FAM117A: variants seen among roughly 807,000 people sequenced by gnomAD.
FAM117A encodes the protein protein FAM117A.
A neutral mutation model predicts 44.1 loss-of-function variants in FAM117A; 21 were observed. The ratio of observed to expected loss-of-function variants is 0.48; its 90% confidence interval spans 0.34 to 0.69. The LOEUF (loss-of-function observed/expected upper bound fraction) is 0.69. FAM117A is among the 30% of genes least tolerant of loss of function. The pLI is 0.01. For missense variants in FAM117A, 498 were observed against 589.9 expected (o/e 0.84, Z 1.61); for synonymous variants, 220 against 238.3 (o/e 0.92, Z 0.71).
chr17:49,768,449 A>G (rs2073751565), upstream of FAM117A, among the ~76,000 whole-genome samples: 2 of 152,274 alleles, frequency 1.3e-5, no homozygotes, highest in South Asian at 2.1e-4. Flanking sequence ...GGTACCTGGA[A>G]GACGGTCTCT....
rs1457423195 is a variant in FAM117A, at chr17:49,745,125, A to G, written c.197-12405T>C. On this transcript the variant is annotated intron_variant, in intron 1 of 7. Coordinates refer to ENST00000240364, the MANE Select transcript of FAM117A (RefSeq NM_030802.4). The stretch of plus-strand genomic sequence containing the variant: ...TAGAACTCACAGATACAGAACCCAC[A>G]GATACAGAGGGCTGATGGTATATGT... 2.0e-5 allele frequency among the ~76,000 whole-genome samples: 3 copies of G among 152,178 alleles called. 1 individual carries two copies. The East Asian group carries it at 5.8e-4, about 29-fold the overall frequency.
chr17:49,788,721 A>T (rs2073839421), upstream of FAM117A: 2 of 1,185,260 alleles, frequency 1.7e-6, no homozygotes, highest in Admixed American at 2.7e-5. Flanking sequence ...GGCACTAGGG[A>T]TCGTCCGCAG....
At chr17:49,723,342 C>T (rs2073544208) in intron 2 of FAM117A, among the ~76,000 whole-genome samples, 1 of 152,206 alleles carries the variant, frequency 6.6e-6, no homozygotes, top group South Asian at 2.1e-4. Flanking sequence ...TGTGCATCTT[C>T]TCTCCCTTGC....
chr17:49,787,002 T>G (rs1048383776), intron 1 of FAM117A, among the ~76,000 whole-genome samples: 6 of 152,050 alleles, frequency 3.9e-5, no homozygotes, highest in Admixed American at 6.6e-5. Flanking sequence ...GAGAATCCCT[T>G]GAGCCCACGA....
rs16948367 is a variant in FAM117A, at chr17:49,786,285, C to T, written c.-621+2212G>A. ...GAATCTAGCATAAGAAATTAACTAA[C>T]GTCGAACATCTGTAATGCTGGTATT... is the stretch of plus-strand genomic sequence containing the variant. On this transcript the variant is annotated intron_variant, in intron 1 of 7. Coordinates refer to the FAM117A transcript ENST00000513602. Among the ~76,000 whole-genome samples, 759 of 152,250 alleles carry T rather than the reference C, an allele frequency of 5.0e-3. 9 individuals carry two copies. Among genetic ancestry groups the T allele is most frequent in the African/African-American group, 0.017 (698 of 41,530 alleles).
rs186688153 is a variant in FAM117A, at chr17:49,726,813, A to G, written c.367-4219T>C. 2.0e-3 allele frequency among the ~76,000 whole-genome samples: 310 copies of G among 151,698 alleles called. 6 individuals carry two copies. Among genetic ancestry groups the G allele is most frequent in the Admixed American group, 0.019 (283 of 15,218 alleles). On this transcript the variant is annotated intron_variant, in intron 2 of 7. Transcript: ENST00000240364. ...TCAACTAGCGAGACCCTATCTCTAT[A>G]AAAGAAATAATTTTAAATTAGCCAG...
In FAM117A at chr17:49,711,249, G is replaced by A. The variant is rs778634062; in HGVS notation, c.*6C>T. On this transcript the variant is annotated 3_prime_UTR_variant, in exon 8 of 8. Transcript: ENST00000240364. ...TCTATGGTAAAGTGGGGCAGGGGTG[G>A]GACCCTCAGACCATCAGGGAGCTCT... 9.4e-6 allele frequency: 15 copies of A among 1,589,908 alleles called. No homozygotes were observed. Among genetic ancestry groups the A allele is most frequent in the Non-Finnish European group, 1.3e-5 (15 of 1,166,928 alleles).
chr17:49,756,634 G>A (rs2073699662), intron 1 of FAM117A, among the ~76,000 whole-genome samples: 1 of 150,886 alleles, frequency 6.6e-6, no homozygotes, highest in African/African-American at 2.4e-5. Context: ...AAGAGACAAA[G>A]GCCAGGCGTG....
At chr17:49,782,817 A>G (rs1401332500) in intron 1 of FAM117A, among the ~76,000 whole-genome samples, 1 of 151,974 alleles carries the variant, frequency 6.6e-6, no homozygotes, top group Admixed American at 6.6e-5. Flanking sequence ...AAGGGGGTTG[A>G]GGGCAGGTGA....
Position 49,722,565 on chromosome 17 carries a change from A to G in FAM117A, c.396T>C (p.Gly132=), listed in dbSNP as rs2073540143. Residue 132 remains glycine (G), a synonymous_variant, in exon 3 of 8, where the codon GGT becomes GGC. Coordinates refer to ENST00000240364, the MANE Select transcript of FAM117A (RefSeq NM_030802.4). ...TGTGTGCACAGGAACTGGCACGCTC[A>G]CCTTCTAGCTCTTGCCAGGACAGGG... ...QTPLSWQELE[G]ERASSCAHKR... is the part of the protein sequence containing the mutation. 6.2e-7 allele frequency: 1 copy of G among 1,613,854 alleles called. No individual in the cohort carries two copies. The highest frequency in any genetic ancestry group is 8.5e-7 in the Non-Finnish European group (1 of 1,179,940).
At chr17:49,739,602 G>C (rs976271653) in intron 1 of FAM117A, among the ~76,000 whole-genome samples, 1 of 152,218 alleles carries the variant, frequency 6.6e-6, no homozygotes, top group Non-Finnish European at 1.5e-5. Flanking sequence ...GCACTTGTGT[G>C]ATTATTGTTA....
chr17:49,723,859 A>C (rs989137067), intron 2 of FAM117A, among the ~76,000 whole-genome samples: 2 of 152,098 alleles, frequency 1.3e-5, no homozygotes, highest in East Asian at 3.9e-4. Flanking sequence ...GCCACGCAAC[A>C]TAGCCAGGGT....
chr17:49,744,410 G>A (rs1473296207), intron 1 of FAM117A, among the ~76,000 whole-genome samples: 1 of 152,084 alleles, frequency 6.6e-6, no homozygotes. Context: ...CTTGCAAAGT[G>A]CTGGGATTAC....
intron 1 of FAM117A, among the ~76,000 whole-genome samples, chr17:49,784,432 T>G (rs928420167): frequency 3.4e-4 from 52 of 152,300 alleles, no homozygotes; most frequent in African/African-American, 1.1e-3. Flanking sequence ...CGGCCTCCTC[T>G]GCTTAAGGAC....
chr17:49,741,134 A>C (rs2073632590), intron 1 of FAM117A, among the ~76,000 whole-genome samples: 1 of 150,084 alleles, frequency 6.7e-6, no homozygotes, highest in East Asian at 2.0e-4. Context: ...ACAGAAGGAA[A>C]ATGAGAGAGG....
chr17:49,739,433 C>T (rs1018863232), intron 1 of FAM117A, among the ~76,000 whole-genome samples: 2 of 152,168 alleles, frequency 1.3e-5, no homozygotes, highest in African/African-American at 4.8e-5. Flanking sequence ...GGAGCATCAG[C>T]AGCTTCAGGT....
intron 1 of FAM117A, among the ~76,000 whole-genome samples, chr17:49,751,718 C>A (rs2073678328): frequency 6.7e-6 from 1 of 149,388 alleles, no homozygotes; most frequent in Non-Finnish European, 1.5e-5. Context: ...CTGAGGTGGG[C>A]AGATCACAAG....
At chr17:49,722,622 C>T in intron 2 of FAM117A, 28 bp from the exon 3 acceptor site, 1 of 1,597,242 alleles carries the variant, frequency 6.3e-7, no homozygotes, top group Non-Finnish European at 8.6e-7. Flanking sequence ...CAGTGAGACA[C>T]AGCAGCTTCT....
upstream of FAM117A, chr17:49,788,726 C>G: frequency 1.6e-6 from 2 of 1,236,962 alleles, no homozygotes; most frequent in Non-Finnish European, 1.1e-6. Flanking sequence ...TAGGGATCGT[C>G]CGCAGGATTG....
Sources: gnomAD v4.1 joint callset for allele counts (sites outside exome capture counted in the v4.1 genomes callset) on GRCh38, gnomAD v4.1.1 for gene constraint, MANE v1.5 for transcripts, NCBI Gene and HGNC (gene_info 2026-07-23, HGNC 2026-07-21) for gene names.